C1orf87: variants seen among roughly 807,000 people sequenced by gnomAD.
C1orf87 encodes the protein chromosome 1 open reading frame 87, also known as uncharacterized protein C1orf87.
A neutral mutation model predicts 60.5 loss-of-function variants in C1orf87; 58 were observed. The ratio of observed to expected loss-of-function variants is 0.96; its 90% CI spans 0.78 to 1.19. C1orf87 has a LOEUF of 1.19. Ranked by LOEUF, C1orf87 falls within the 50% of genes most tolerant of loss-of-function variation. The probability of loss-of-function intolerance (pLI) is 0.00; values close to 1 mark genes in which losing one functional copy is unlikely to be tolerated. For missense variants in C1orf87, 673 were observed against 638.6 expected, an observed-to-expected ratio of 1.05 and a Z score of -0.58; for synonymous variants, 236 against 227.4, an observed-to-expected ratio of 1.04 and a Z score of -0.34.
At chr1:60,009,046 C>T (rs1351469763) in intron 9 of C1orf87, among the ~76,000 whole-genome samples, 2 of 151,976 alleles carry the variant, frequency 1.3e-5, no homozygotes, top group East Asian at 1.9e-4. Flanking sequence ...ATTGTGTCCT[C>T]CTCAAAAATA....
intron 6 of C1orf87, among the ~76,000 whole-genome samples, chr1:60,037,633 A>T (rs918555497): frequency 2.0e-5 from 3 of 152,198 alleles, no homozygotes; most frequent in African/African-American, 7.2e-5. Flanking sequence ...ATCGCCTCCT[A>T]TTAGGTCCCA....
intron 9 of C1orf87, among the ~76,000 whole-genome samples, chr1:60,010,079 C>T (rs986459612): frequency 4.6e-5 from 7 of 151,010 alleles, no homozygotes; most frequent in East Asian, 1.9e-4. Context: ...TTGATCTAAG[C>T]GACTGTGCAC....
chr1:60,020,755 G>T (rs1181709907), intron 8 of C1orf87, among the ~76,000 whole-genome samples: 1 of 152,146 alleles, frequency 6.6e-6, no homozygotes, highest in Non-Finnish European at 1.5e-5. Flanking sequence ...TTGGACTTTT[G>T]CATTAATGCT....
chr1:60,005,309 C>A (rs924568720), intron 9 of C1orf87, among the ~76,000 whole-genome samples: 1 of 152,122 alleles, frequency 6.6e-6, no homozygotes, highest in African/African-American at 2.4e-5. Flanking sequence ...ATTCATGTAA[C>A]AAACATTTAA....
At chr1:60,026,955 T>TCC (rs1645202290) in intron 7 of C1orf87, among the ~76,000 whole-genome samples, 1 of 152,238 alleles carries the variant, frequency 6.6e-6, no homozygotes, top group African/African-American at 2.4e-5. Context: ...ATGTTTAGAT[T>TCC]TGAAGTTCTG....
At chr1:60,037,493 G>T (rs1454939772) in intron 6 of C1orf87, among the ~76,000 whole-genome samples, 4 of 152,166 alleles carry the variant, frequency 2.6e-5, no homozygotes, top group Non-Finnish European at 4.4e-5. Flanking sequence ...GTGGTGGAAG[G>T]CAGAAGGGCA....
intron 11 of C1orf87, among the ~76,000 whole-genome samples, chr1:59,996,931 A>T (rs752051371): frequency 3.9e-5 from 6 of 152,220 alleles, no homozygotes; most frequent in Non-Finnish European, 8.8e-5. Flanking sequence ...ATAAAAATAT[A>T]CAATATGTTG....
At chr1:60,017,028 A>G (rs1284910060) in intron 8 of C1orf87, among the ~76,000 whole-genome samples, 2 of 152,234 alleles carry the variant, frequency 1.3e-5, no homozygotes, top group South Asian at 2.1e-4. Flanking sequence ...GAGAACCTAC[A>G]TTTGACTTAG....
chr1:60,046,510 A>G (rs1186952418), intron 3 of C1orf87, among the ~76,000 whole-genome samples: 1 of 131,648 alleles, frequency 7.6e-6, no homozygotes, highest in Admixed American at 8.8e-5. Flanking sequence ...GCCATTATTC[A>G]CCACAGCCTG....
At chr1:60,040,385 A>T (rs1324701911) in intron 4 of C1orf87, among the ~76,000 whole-genome samples, 1 of 152,268 alleles carries the variant, frequency 6.6e-6, no homozygotes, top group Non-Finnish European at 1.5e-5. Flanking sequence ...TTCCTTCAGG[A>T]GAAGAAAGCA....
chr1:60,065,029 A>ATATATACATATTATATATAT lies in C1orf87; in HGVS notation c.107+7507_107+7508insATATATATAATATGTATATA, dbSNP rs1491291377. Among the ~76,000 whole-genome samples, 5 of 116,196 alleles carry ATATATACATATTATATATAT rather than the reference A, an allele frequency of 4.3e-5. 1 individual carries two copies. The highest frequency in any genetic ancestry group is 1.7e-4 in the African/African-American group (5 of 29,850). The allele number at this position is 116,196 out of a possible 152,430, so 76.2% of individuals were successfully genotyped here. A position where few individuals can be genotyped will look rare whatever the true frequency, so the allele number is the denominator to read the frequency against. The stretch of plus-strand genomic sequence containing the variant: ...AAATATATATTAAATATATATATTT[A>ATATATACATATTATATATAT]ATATATATATTTAATAATATATAAA... On this transcript the variant is annotated intron_variant, in intron 2 of 11. Transcript: ENST00000371201.
At chr1:60,049,227 A>G (rs774093571) in intron 3 of C1orf87, among the ~76,000 whole-genome samples, 1 of 152,020 alleles carries the variant, frequency 6.6e-6, no homozygotes, top group Admixed American at 6.6e-5. Flanking sequence ...CTGTTTCCCC[A>G]TAGCCTTCCA....
intron 9 of C1orf87, among the ~76,000 whole-genome samples, chr1:60,009,858 C>T (rs1645070620): frequency 6.6e-6 from 1 of 151,982 alleles, no homozygotes; most frequent in Non-Finnish European, 1.5e-5. Context: ...CTTCCTGTAG[C>T]AACCCAGCCA....
intron 6 of C1orf87, among the ~76,000 whole-genome samples, chr1:60,034,789 T>A (rs191261323): frequency 6.6e-6 from 1 of 152,308 alleles, no homozygotes; most frequent in African/African-American, 2.4e-5. Context: ...TTTTTTCAAG[T>A]CTGACTTCCT....
intron 9 of C1orf87, among the ~76,000 whole-genome samples, chr1:60,006,682 A>G (rs1490070566): frequency 2.0e-5 from 3 of 152,038 alleles, no homozygotes; most frequent in African/African-American, 7.2e-5. Flanking sequence ...TTTGTGAAAT[A>G]CTATTTTAGA....
At chr1:60,064,318 T>TATATTATATATAAAATA (rs1374235160) in intron 2 of C1orf87, among the ~76,000 whole-genome samples, 4 of 141,356 alleles carry the variant, frequency 2.8e-5, no homozygotes, top group Middle Eastern at 3.6e-3. Flanking sequence ...AATATATAAA[T>TATATTATATATAAAATA]TATATATTAT....
intron 11 of C1orf87, among the ~76,000 whole-genome samples, chr1:59,992,970 T>G (rs916607785): frequency 3.3e-5 from 5 of 152,218 alleles, no homozygotes; most frequent in African/African-American, 1.2e-4. Flanking sequence ...TTCGAAGTTT[T>G]CTGGATAGGA....
chr1:59,992,318 C>T (rs1048227536), intron 11 of C1orf87, among the ~76,000 whole-genome samples: 3 of 151,932 alleles, frequency 2.0e-5, no homozygotes, highest in East Asian at 3.9e-4. Context: ...TACAGAGGCA[C>T]GATCATGGCT....
At chr1:60,037,148 A>G (rs1022606359) in intron 6 of C1orf87, among the ~76,000 whole-genome samples, 2 of 152,218 alleles carry the variant, frequency 1.3e-5, no homozygotes, top group Non-Finnish European at 2.9e-5. Context: ...GTGATTCTGC[A>G]TCGGGTGAGG....
Sources: allele counts gnomAD v4.1 joint callset (sites outside exome capture counted in the v4.1 genomes callset), GRCh38; gene constraint gnomAD v4.1.1; transcripts MANE v1.5; gene names NCBI Gene and HGNC (gene_info 2026-07-23, HGNC 2026-07-21).